Variants in CSTL1 observed in about 807,000 individuals in gnomAD.
The protein encoded by CSTL1 is cystatin like 1, also known as cystatin-like 1.
In CSTL1, 14 loss-of-function variants were observed where a neutral mutation model predicts 14.4. The ratio of observed to expected loss-of-function variants is 0.97; its 90% confidence interval spans 0.64 to 1.52. The LOEUF is 1.52. CSTL1 is among the 40% of genes most tolerant of loss of function. CSTL1 has a pLI of 0.00. For synonymous variants in CSTL1, 72 were observed against 67.5 expected (o/e 1.07, Z -0.33); for missense variants, 170 against 168.7 (o/e 1.01, Z -0.04).
chr20:23,440,520 C>CCCTGT (rs1341009450), intron 2 of CSTL1, 34 bp downstream of exon 2: 2 of 1,498,974 alleles, frequency 1.3e-6, no homozygotes, highest in Admixed American at 3.3e-5. Context: ...CATCAGCAGG[C>CCCTGT]CCTGTTCTTG....
At chr20:23,443,147 A>G (rs918456900) in intron 2 of CSTL1, among the ~76,000 whole-genome samples, 19 of 152,276 alleles carry the variant, frequency 1.2e-4, no homozygotes, top group Admixed American at 1.2e-3. Context: ...CATTTCCTAG[A>G]TGAGGAAACT....
At chr20:23,449,903 G>A (rs879940403), downstream of CSTL1, among the ~76,000 whole-genome samples, 3 of 152,174 alleles carry the variant, frequency 2.0e-5, no homozygotes, top group Admixed American at 6.5e-5. Flanking sequence ...AGTGTTGCTC[G>A]TGCAAGGGGG....
At chr20:23,453,124 G>C in the CSTL1 span, among the ~76,000 whole-genome samples, 1 of 144,696 alleles carries the variant, frequency 6.9e-6, no homozygotes, top group African/African-American at 2.6e-5. Flanking sequence ...TGGGAGCCAG[G>C]CGAGGGCCCC....
the CSTL1 span, among the ~76,000 whole-genome samples, chr20:23,456,632 C>T: frequency 1.3e-5 from 2 of 152,204 alleles, no homozygotes; most frequent in East Asian, 1.9e-4. Flanking sequence ...TTTCCTGTGG[C>T]TGCTGTAACT....
the CSTL1 span, among the ~76,000 whole-genome samples, chr20:23,456,688 G>T: frequency 6.6e-6 from 1 of 152,146 alleles, no homozygotes; most frequent in Non-Finnish European, 1.5e-5. Flanking sequence ...TTATTATCTT[G>T]CAATTTTGGA....
At chr20:23,446,802 C>T (rs1354713939), downstream of CSTL1, among the ~76,000 whole-genome samples, 3 of 152,270 alleles carry the variant, frequency 2.0e-5, no homozygotes, top group Admixed American at 6.5e-5. Context: ...CAGGCACCAG[C>T]GCCACCAGCT....
At chr20:23,460,174 A>G in the CSTL1 span, among the ~76,000 whole-genome samples, 1 of 152,218 alleles carries the variant, frequency 6.6e-6, no homozygotes, top group Admixed American at 6.5e-5. Flanking sequence ...CCTGCTTCAC[A>G]GCTCAGAAGG....
chr20:23,442,614 C>A (rs1343745205), intron 2 of CSTL1, among the ~76,000 whole-genome samples: 1 of 152,204 alleles, frequency 6.6e-6, no homozygotes, highest in African/African-American at 2.4e-5. Flanking sequence ...GGCAGCCCTG[C>A]AAATGCCCAT....
chr20:23,443,548 G>A (rs1366731275), intron 2 of CSTL1, among the ~76,000 whole-genome samples: 3 of 152,130 alleles, frequency 2.0e-5, no homozygotes, highest in South Asian at 2.1e-4. Context: ...TAGAGACAGA[G>A]GAAATGGCAG....
the CSTL1 span, among the ~76,000 whole-genome samples, chr20:23,456,452 G>A: frequency 6.6e-6 from 1 of 152,124 alleles, no homozygotes; most frequent in South Asian, 2.1e-4. Context: ...GTCAGAACGA[G>A]CAGAGAAGGA....
chr20:23,448,402 T>G (rs976113501), downstream of CSTL1, among the ~76,000 whole-genome samples: 1 of 152,222 alleles, frequency 6.6e-6, no homozygotes, highest in African/African-American at 2.4e-5. Context: ...TCTCCGGCGA[T>G]GGAGCAGTGC....
the CSTL1 span, chr20:23,452,565 C>G: frequency 1.3e-6 from 2 of 1,513,942 alleles, no homozygotes; most frequent in Non-Finnish European, 9.2e-7. Context: ...TGGGGAGAGG[C>G]GGGAAGTCAT....
At position 23,444,876 on chromosome 20, in the gene CSTL1, T is replaced by C. The variant is rs778842413; in HGVS notation, c.436T>C (p.Ter146ArgextTer4). 1 of 1,601,632 alleles carries C rather than the reference T, an allele frequency of 6.2e-7. No homozygotes were observed. Among genetic ancestry groups the C allele is most frequent in the Non-Finnish European group, 8.6e-7 (1 of 1,168,658 alleles). The change falls in exon 4 of 4, where the codon TGA becomes CGA. Residue 146 changes from the stop codon to arginine, a stop_lost. Coordinates refer to ENST00000347397, the MANE Select transcript of CSTL1 (RefSeq NM_138283.1). The stretch of plus-strand genomic sequence containing the variant: ...CGAGCATGTGGGCAGAAACCTCAGA[T>C]GAGGGCTCATATGATTGAGTTGTGC... Reference protein sequence around the residue: ...EAEHVGRNLR* With the variant: ...EAEHVGRNLRR
chr20:23,453,579 G>A, the CSTL1 span, among the ~76,000 whole-genome samples: 470 of 152,254 alleles, frequency 3.1e-3, 1 homozygote, highest in African/African-American at 0.011. Context: ...GAAGCCACTG[G>A]TGGGTGGAGG....
chr20:23,451,217 C>G, the CSTL1 span, among the ~76,000 whole-genome samples: 1 of 152,218 alleles, frequency 6.6e-6, no homozygotes, highest in Non-Finnish European at 1.5e-5. Flanking sequence ...ATCCATCTGT[C>G]CATTGCACCA....
chr20:23,444,963 A>G (rs1271877925), downstream of CSTL1: 5 of 843,054 alleles, frequency 5.9e-6, no homozygotes, highest in South Asian at 5.6e-5. Flanking sequence ...TTACACATGC[A>G]CACACACACA....
the CSTL1 span, among the ~76,000 whole-genome samples, chr20:23,454,403 C>A: frequency 6.6e-6 from 1 of 151,902 alleles, no homozygotes; most frequent in African/African-American, 2.4e-5. Context: ...CACATAGACA[C>A]ACCCCCCCAC....
the CSTL1 span, among the ~76,000 whole-genome samples, chr20:23,452,143 A>G: frequency 1.6e-3 from 246 of 152,328 alleles, no homozygotes; most frequent in African/African-American, 5.3e-3. Context: ...GGGCAAATCT[A>G]TCCCTTGGGT....
intron 2 of CSTL1, among the ~76,000 whole-genome samples, chr20:23,443,297 A>T (rs900833982): frequency 1.3e-5 from 2 of 152,250 alleles, no homozygotes; most frequent in Admixed American, 6.5e-5. Flanking sequence ...TTATGAAAAT[A>T]TTTAAAATTT....
Sources: allele counts gnomAD v4.1 joint callset (sites outside exome capture counted in the v4.1 genomes callset), GRCh38; gene constraint gnomAD v4.1.1; transcripts MANE v1.5; gene names NCBI Gene and HGNC (gene_info 2026-07-23, HGNC 2026-07-21).